The following PHF14 variants were observed in gnomAD, a reference collection of about 807,000 sequenced individuals.
The protein encoded by PHF14 is PHD finger protein 14.
PHF14 carries 55 observed loss-of-function variants against 117.9 expected under a neutral mutation model. The observed-to-expected ratio is 0.47, with a 90% CI of 0.38 to 0.58. The LOEUF is 0.58. Ranked by LOEUF, PHF14 falls within the 20% of genes least tolerant of loss-of-function variation. The pLI is 0.00. For missense variants in PHF14, 978 were observed against 1,122.2 expected, an observed-to-expected ratio of 0.87 and a Z score of 1.84; for synonymous variants, 409 against 368.6, an observed-to-expected ratio of 1.11 and a Z score of -1.26.
intron 16 of PHF14, among the ~76,000 whole-genome samples, chr7:11,064,227 G>A (rs991390434): frequency 2.0e-5 from 3 of 151,782 alleles, no homozygotes; most frequent in Non-Finnish European, 4.4e-5. Flanking sequence ...TTTAATAAAA[G>A]TAATCTCATA....
chr7:11,162,153 A>G (rs892691914), intron 17 of PHF14, among the ~76,000 whole-genome samples: 7 of 126,562 alleles, frequency 5.5e-5, no homozygotes, highest in African/African-American at 1.7e-4. Context: ...CAGTGGTGCA[A>G]TCCTGGCTCA....
chr7:10,991,272 C>T (rs994241965), intron 4 of PHF14, among the ~76,000 whole-genome samples: 3 of 152,186 alleles, frequency 2.0e-5, no homozygotes, highest in Non-Finnish European at 2.9e-5. Flanking sequence ...CCTCCGCCTC[C>T]TGGGTTCAAA....
At chr7:11,153,948 CGT>C (rs10593375) in intron 17 of PHF14, among the ~76,000 whole-genome samples, 52,482 of 149,062 alleles carry the variant, frequency 0.35, 9,505 homozygotes, top group East Asian at 0.6. Flanking sequence ...TCTGTGTGTG[CGT>C]GTGTGTGTGT....
At position 11,005,930 on chromosome 7, in the gene PHF14, C is replaced by G. The variant is rs10232287; in HGVS notation, c.1046-7817C>G. ...GCCTCAGCCTCCTGAGTAGCTGGGA[C>G]TACAGGCATGCGCCACCTCACCCGG... On this transcript the variant is annotated intron_variant, in intron 4 of 17. Coordinates refer to ENST00000634607, the MANE Select transcript of PHF14 (RefSeq NM_001007157.2). Among the ~76,000 whole-genome samples the G allele has an allele frequency of 5.7e-4, 86 of 151,296 alleles. 2 individuals are homozygous for G. In the East Asian group the frequency reaches 0.014, roughly 24 times the overall value.
chr7:11,039,704 A>G (rs1189500864), intron 11 of PHF14, among the ~76,000 whole-genome samples: 3 of 152,186 alleles, frequency 2.0e-5, no homozygotes, highest in Non-Finnish European at 4.4e-5. Flanking sequence ...TTAAGAAGTG[A>G]TACATACTGA....
At chr7:11,087,932 T>A (rs760888741) in intron 16 of PHF14, among the ~76,000 whole-genome samples, 4 of 152,214 alleles carry the variant, frequency 2.6e-5, no homozygotes, top group Non-Finnish European at 5.9e-5. Context: ...AATTAAAAGT[T>A]ACCCAGGGCA....
In PHF14 at chr7:11,047,745, C is replaced by CCAGATTGG. The variant is rs1784718704; in HGVS notation, c.2313-3867_2313-3866insCAGATTGG. Reference sequence around the variant, plus strand: ...AGGCTACAATGAGCTGAGATTGCGCCAGTGCTCTCCAATCTGGGTGACAGA... The same window carrying CCAGATTGG: ...AGGCTACAATGAGCTGAGATTGCGCCCAGATTGGAGTGCTCTCCAATCTGGGTGACAGA... On this transcript the variant is annotated intron_variant, in intron 13 of 17. Transcript: ENST00000634607. Among the ~76,000 whole-genome samples the CCAGATTGG allele has an allele frequency of 3.4e-5, 5 of 147,578 alleles. No homozygotes were observed. In the Admixed American group the frequency reaches 3.4e-4, roughly 10 times the overall value.
intron 16 of PHF14, among the ~76,000 whole-genome samples, chr7:11,078,851 G>A (rs1482388520): frequency 1.3e-5 from 2 of 152,034 alleles, no homozygotes; most frequent in East Asian, 3.9e-4. Context: ...TGAAAAATTT[G>A]TCTTTTCCTT....
chr7:11,058,339 G>A (rs897639627), intron 14 of PHF14, among the ~76,000 whole-genome samples: 6 of 151,790 alleles, frequency 4.0e-5, no homozygotes, highest in Non-Finnish European at 8.8e-5. Flanking sequence ...TAACTTGTCT[G>A]TTGTGATCTT....
intron 4 of PHF14, among the ~76,000 whole-genome samples, chr7:11,007,400 T>G (rs974568456): frequency 1.3e-5 from 2 of 152,098 alleles, no homozygotes; most frequent in Non-Finnish European, 2.9e-5. Context: ...TCTGTACAGT[T>G]AACACCTGTA....
chr7:11,150,508 A>T (rs1788673455), intron 17 of PHF14, among the ~76,000 whole-genome samples: 1 of 152,184 alleles, frequency 6.6e-6, no homozygotes, highest in Admixed American at 6.6e-5. Flanking sequence ...GAATAAAAGA[A>T]GAAAGAAGGA....
intron 2 of PHF14, 32 bp from the exon 3 acceptor site, chr7:10,982,340 G>C: frequency 6.9e-7 from 1 of 1,446,532 alleles, no homozygotes; most frequent in Non-Finnish European, 9.3e-7. Context: ...ATATACATAT[G>C]TGTGGTTTTT....
chr7:11,121,596 A>G (rs1180029767), intron 17 of PHF14, among the ~76,000 whole-genome samples: 1 of 152,122 alleles, frequency 6.6e-6, no homozygotes, highest in Non-Finnish European at 1.5e-5. Flanking sequence ...AATTGTTAAC[A>G]TCACTACTCT....
chr7:11,053,726 C>G (rs1377003158), intron 14 of PHF14, among the ~76,000 whole-genome samples: 1 of 151,996 alleles, frequency 6.6e-6, no homozygotes, highest in Non-Finnish European at 1.5e-5. Context: ...GCCCACAGTT[C>G]AGTATTACTT....
intron 4 of PHF14, among the ~76,000 whole-genome samples, chr7:11,000,583 C>T (rs1023678902): frequency 6.6e-6 from 1 of 152,176 alleles, no homozygotes; most frequent in East Asian, 1.9e-4. Flanking sequence ...AAGTGATCCA[C>T]CTGCCTTGGT....
In PHF14 at chr7:11,075,859, C is replaced by T. The variant is rs143331205; in HGVS notation, c.2654+13774C>T. Among the ~76,000 whole-genome samples, 981 of 152,112 alleles carry T rather than the reference C, an allele frequency of 6.4e-3. 14 individuals are homozygous for T. The highest frequency in any genetic ancestry group is 0.021 in the African/African-American group (863 of 41,490). Reference sequence around the variant, plus strand: ...AAAAGTTGCATAGCTAGGCTGGGCGCGGTGACTCATGCCTGTAATCCCAGC... The same window carrying T: ...AAAAGTTGCATAGCTAGGCTGGGCGTGGTGACTCATGCCTGTAATCCCAGC... On this transcript the variant is annotated intron_variant, in intron 16 of 17. Coordinates refer to ENST00000634607, the MANE Select transcript of PHF14 (RefSeq NM_001007157.2).
chr7:11,068,778 T>C (rs1785509979), intron 16 of PHF14, among the ~76,000 whole-genome samples: 1 of 152,168 alleles, frequency 6.6e-6, no homozygotes, highest in African/African-American at 2.4e-5. Flanking sequence ...ACATGGGATT[T>C]AGTGGCAGGG....
Position 11,051,682 on chromosome 7 carries a change from G to A in PHF14, c.2383G>A (p.Asp795Asn). The change falls in exon 14 of 18, where the codon GAT becomes AAT. Residue 795 changes from aspartate to asparagine, a missense_variant. By Grantham distance (23) the Asp-to-Asn change is conservative (BLOSUM62 1). This residue lies in a region of PHF14 where 180 missense variants were observed against 195.4 expected (regional missense o/e 0.92). Coordinates refer to ENST00000634607, the MANE Select transcript of PHF14 (RefSeq NM_001007157.2). ...EADMAMETLP[D>N]GTKRSRRQIK... is the part of the protein sequence containing the mutation. The stretch of plus-strand genomic sequence containing the variant: ...AGATATGGCCATGGAAACCCTACCA[G>A]ATGGAACCAAACGATCAAGGAGGCA... 2 of 1,613,674 alleles carry A rather than the reference G, an allele frequency of 1.2e-6. No homozygotes were observed. Among genetic ancestry groups the A allele is most frequent in the South Asian group, 2.2e-5 (2 of 91,052 alleles).
chr7:11,096,870 A>G (rs1053447961), intron 16 of PHF14, among the ~76,000 whole-genome samples: 51 of 152,254 alleles, frequency 3.3e-4, no homozygotes, highest in African/African-American at 1.2e-3. Context: ...TATACTGGAA[A>G]AAAAAACTCA....
Sources: gnomAD v4.1 joint callset for allele counts (sites outside exome capture counted in the v4.1 genomes callset) on GRCh38, gnomAD v4.1.1 for gene constraint, gnomAD v4.1.1 regional missense constraint, MANE v1.5 for transcripts, NCBI Gene and HGNC (gene_info 2026-07-23, HGNC 2026-07-21) for gene names.